The following COL4A6 variants were observed in gnomAD, a reference collection of about 807,000 sequenced individuals.
COL4A6 encodes collagen alpha-6(IV) chain.
COL4A6 carries 59 observed loss-of-function variants against 126.7 expected under a neutral mutation model. The observed-to-expected ratio is 0.47, with a 90% CI of 0.38 to 0.58. The LOEUF (loss-of-function observed/expected upper bound fraction) is 0.58, where lower values mean the gene tolerates loss of function less well. Among genes scored for constraint, COL4A6 ranks in the 20% least tolerant of loss-of-function variants. The probability of loss-of-function intolerance (pLI) is 0.00; values close to 1 mark genes in which losing one functional copy is unlikely to be tolerated. For missense variants in COL4A6, 1,285 were observed against 1,337.3 expected (o/e 0.96, Z 0.61); for synonymous variants, 547 against 496.6 (o/e 1.10, Z -1.35).
At chrX:108,202,730 T>C (rs1158749345) in intron 13 of COL4A6, among the ~76,000 whole-genome samples, 198 bp downstream of exon 13, 1 of 111,848 alleles carries the variant, frequency 8.9e-6, no homozygotes, top group South Asian at 3.8e-4. Context: ...CTCTAAGGTA[T>C]ACAGCCTCAT....
At chrX:108,166,066 G>C (rs780712326) in intron 37 of COL4A6, among the ~76,000 whole-genome samples, 1 of 112,540 alleles carries the variant, frequency 8.9e-6, no homozygotes, top group Admixed American at 9.4e-5. Flanking sequence ...TATGAGCCAA[G>C]TGATTGCTTA....
chrX:108,196,639 C>T, intron 13 of COL4A6, 60 bp from the exon 14 acceptor site: 1 of 981,376 alleles, frequency 1.0e-6, no homozygotes, highest in Non-Finnish European at 1.4e-6. Flanking sequence ...CTCCTGGCTT[C>T]ATCCAAAGCA....
intron 2 of COL4A6, among the ~76,000 whole-genome samples, chrX:108,317,293 A>C (rs910826573): frequency 2.1e-4 from 24 of 112,304 alleles, no homozygotes; most frequent in Non-Finnish European, 4.3e-4. Context: ...ATTTATTCAG[A>C]TGGAGAAAAC....
chrX:108,320,388 A>G (rs2038996865), intron 2 of COL4A6, among the ~76,000 whole-genome samples: 1 of 111,452 alleles, frequency 9.0e-6, no homozygotes, highest in Non-Finnish European at 1.9e-5. Context: ...GATTTAATCA[A>G]GGTTGGGGTC....
chrX:108,217,514 G>A (rs1014554822), intron 5 of COL4A6, among the ~76,000 whole-genome samples: 1 of 111,041 alleles, frequency 9.0e-6, no homozygotes, highest in Admixed American at 9.6e-5. Context: ...GGGCCTCTCA[G>A]GCTTCTGAGA....
intron 3 of COL4A6, among the ~76,000 whole-genome samples, chrX:108,302,168 C>T (rs1024959882): frequency 9.0e-6 from 1 of 110,823 alleles, no homozygotes; most frequent in Non-Finnish European, 1.9e-5. Context: ...GTCCTAATCT[C>T]TCCCCCATAT....
Position 108,219,683 on chromosome X carries a change from T to C in COL4A6, c.324+15A>G, listed in dbSNP as rs1165487143. ...TAAAGGAGGATATGAAAAATTCATCTGTGGACACACTCACCGGAATCCCAT... is the reference window on the plus strand; with the variant it reads ...TAAAGGAGGATATGAAAAATTCATCCGTGGACACACTCACCGGAATCCCAT... On this transcript the variant is annotated intron_variant, in intron 5 of 44. Transcript: ENST00000334504. 4 of 1,201,900 alleles carry C rather than the reference T, an allele frequency of 3.3e-6. No individual in the cohort carries two copies. Among genetic ancestry groups the C allele is most frequent in the East Asian group, 5.9e-5 (2 of 33,704 alleles).
chrX:108,403,756 G>T (rs1192431854), intron 2 of COL4A6, among the ~76,000 whole-genome samples: 2 of 111,264 alleles, frequency 1.8e-5, no homozygotes, highest in Non-Finnish European at 3.8e-5. Context: ...ATATAAATCT[G>T]CTCATTATTG....
rs1459262841 is a variant in COL4A6, at chrX:108,277,882, T to C, written c.144+32866A>G. ...CCGCTGCTGGTACCCAGGCAAGCAG[T>C]GTCTGGAGTAGACCTCTAGCAAACT... On this transcript the variant is annotated intron_variant, in intron 3 of 44. Coordinates refer to ENST00000334504, the MANE Select transcript of COL4A6 (RefSeq NM_033641.4). Among the ~76,000 whole-genome samples, 5 of 112,165 alleles carry C rather than the reference T, an allele frequency of 4.5e-5. No individual in the cohort carries two copies. The Admixed American group carries it at 4.7e-4, about 11-fold the overall frequency.
At chrX:108,387,492 T>A (rs984185251) in intron 2 of COL4A6, among the ~76,000 whole-genome samples, 1 of 111,762 alleles carries the variant, frequency 8.9e-6, no homozygotes, top group African/African-American at 3.3e-5. Flanking sequence ...GAATGAGAGT[T>A]CACTCATGAT....
rs1019314421 is a variant in COL4A6 at position 108,245,543 on chromosome X, C to T, written c.145-24169G>A. Among the ~76,000 whole-genome samples, 11 of 111,901 alleles carry T rather than the reference C, an allele frequency of 9.8e-5. No individual in the cohort carries two copies. The Admixed American group carries it at 1.0e-3, about 11-fold the overall frequency. ...AGCCTGGAGTGAAAGTGGTAATCTG[C>T]CCCAGCCACACTGAGACGATGGAGG... On this transcript the variant is annotated intron_variant, in intron 3 of 44. Coordinates refer to ENST00000334504, the MANE Select transcript of COL4A6 (RefSeq NM_033641.4).
intron 2 of COL4A6, among the ~76,000 whole-genome samples, chrX:108,394,261 A>G: frequency 9.2e-6 from 1 of 109,146 alleles, no homozygotes; most frequent in South Asian, 4.1e-4. Flanking sequence ...AACATCACAC[A>G]CTGGGGCCTG....
intron 2 of COL4A6, among the ~76,000 whole-genome samples, chrX:108,397,597 A>C (rs2040993062): frequency 9.4e-6 from 1 of 106,315 alleles, no homozygotes; most frequent in Admixed American, 1.0e-4. Context: ...GGACAACAAA[A>C]ATATTAGGCA....
intron 2 of COL4A6, among the ~76,000 whole-genome samples, chrX:108,421,361 A>G (rs2063979754): frequency 8.9e-6 from 1 of 112,154 alleles, no homozygotes; most frequent in South Asian, 3.7e-4. Context: ...CTAAATGAGG[A>G]GACTGGGGAA....
chrX:108,415,179 C>A lies in COL4A6; in HGVS notation c.63+22763G>T, dbSNP rs918324461. 7.1e-5 allele frequency among the ~76,000 whole-genome samples: 8 copies of A among 112,030 alleles called. 1 individual carries two copies. The highest frequency in any genetic ancestry group is 2.6e-4 in the African/African-American group (8 of 30,847). On this transcript the variant is annotated intron_variant, in intron 2 of 44. Coordinates refer to ENST00000334504, the MANE Select transcript of COL4A6 (RefSeq NM_033641.4). Reference sequence around the variant, plus strand: ...TCAGGAAAGCATATCTCTTTCCTACCTACAGGATTTATGAAAGAATGAGGG... The same window carrying A: ...TCAGGAAAGCATATCTCTTTCCTACATACAGGATTTATGAAAGAATGAGGG...
chrX:108,378,948 A>G (rs933662089), intron 2 of COL4A6, among the ~76,000 whole-genome samples: 7 of 112,611 alleles, frequency 6.2e-5, no homozygotes, highest in African/African-American at 2.3e-4. Context: ...GGCCCTTTAC[A>G]GAAAAGTTTG....
intron 2 of COL4A6, among the ~76,000 whole-genome samples, chrX:108,343,158 T>G (rs2039614001): frequency 1.4e-5 from 1 of 72,431 alleles, no homozygotes; most frequent in Non-Finnish European, 2.6e-5. Flanking sequence ...TATATATATA[T>G]ATATATAGTG....
intron 28 of COL4A6, among the ~76,000 whole-genome samples, chrX:108,176,169 A>G (rs945826737): frequency 9.1e-6 from 1 of 110,042 alleles, no homozygotes; most frequent in African/African-American, 3.3e-5. Flanking sequence ...TACTAAAAAT[A>G]CAAAAATTAG....
chrX:108,210,441 A>C (rs2035670075), intron 7 of COL4A6, among the ~76,000 whole-genome samples: 1 of 112,457 alleles, frequency 8.9e-6, no homozygotes, highest in Non-Finnish European at 1.9e-5. Flanking sequence ...AAATCAACAG[A>C]GCATACACTC....
Sources: allele counts gnomAD v4.1 joint callset (sites outside exome capture counted in the v4.1 genomes callset), GRCh38; gene constraint gnomAD v4.1.1; transcripts MANE v1.5; gene names NCBI Gene and HGNC (gene_info 2026-07-23, HGNC 2026-07-21).